ADCY9: variants seen among roughly 807,000 people sequenced by gnomAD.
ADCY9 encodes adenylate cyclase 9.
In ADCY9, 50 loss-of-function variants were observed where a neutral mutation model predicts 101.5. The observed-to-expected ratio is 0.49, with a 90% confidence interval of 0.39 to 0.62. The LOEUF (loss-of-function observed/expected upper bound fraction) is 0.62, where lower values mean the gene tolerates loss of function less well. Among genes scored for constraint, ADCY9 ranks in the 20% least tolerant of loss-of-function variants. The pLI is 0.00. For missense variants in ADCY9, 1,662 were observed against 1,800.4 expected (o/e 0.92, Z 1.39); for synonymous variants, 905 against 769.3 (o/e 1.18, Z -2.92).
chr16:3,985,765 C>T (rs977563269), intron 6 of ADCY9, among the ~76,000 whole-genome samples: 2 of 152,120 alleles, frequency 1.3e-5, no homozygotes, highest in Non-Finnish European at 2.9e-5. Flanking sequence ...CTCCTCCCTC[C>T]ACCTCCCTTG....
chr16:4,051,488 A>T (rs1360200134), intron 2 of ADCY9, among the ~76,000 whole-genome samples: 1 of 151,640 alleles, frequency 6.6e-6, no homozygotes, highest in African/African-American at 2.4e-5. Flanking sequence ...CACGCCACTG[A>T]ACTCCCACCT....
chr16:4,097,487 T>TATATATACATACACACACAC (rs76750792), intron 2 of ADCY9, among the ~76,000 whole-genome samples: 3 of 72,506 alleles, frequency 4.1e-5, no homozygotes, highest in Non-Finnish European at 5.3e-5. Flanking sequence ...TATATATATA[T>TATATATACATACACACACAC]ACACACACAC....
At chr16:3,970,881 C>CT (rs1428553392) in intron 10 of ADCY9, among the ~76,000 whole-genome samples, 16 of 152,138 alleles carry the variant, frequency 1.1e-4, no homozygotes, top group Non-Finnish European at 2.1e-4. Flanking sequence ...TGAAGATGGA[C>CT]TGGAGCATGG....
At chr16:3,993,702 C>T (rs2056265571) in intron 3 of ADCY9, among the ~76,000 whole-genome samples, 192 bp from the exon 4 acceptor site, 1 of 152,112 alleles carries the variant, frequency 6.6e-6, no homozygotes, top group South Asian at 2.1e-4. Flanking sequence ...GAAACCCGGG[C>T]ACGAACGCAA....
In ADCY9 at chr16:4,087,655, G is replaced by A. The variant is rs73492557; in HGVS notation, c.1693+26095C>T. ...TGTGGGCATAAACACTCAGTCCCTC[G>A]TGGGATGTGCTGGATCAAATCAGAT... On this transcript the variant is annotated intron_variant, in intron 2 of 10. Transcript: ENST00000294016. Among the ~76,000 whole-genome samples the A allele has an allele frequency of 4.0e-3, 601 of 151,628 alleles. 1 individual carries two copies. The highest frequency in any genetic ancestry group is 0.014 in the African/African-American group (563 of 41,362).
At chr16:4,090,329 T>A (rs76474646) in intron 2 of ADCY9, among the ~76,000 whole-genome samples, 4,492 of 152,222 alleles carry the variant, frequency 0.03, 214 homozygotes, top group African/African-American at 0.1. Context: ...ACTCAATGTG[T>A]TCCTCTTCTA....
intron 3 of ADCY9, among the ~76,000 whole-genome samples, chr16:3,999,279 A>C (rs2056313689): frequency 6.6e-6 from 1 of 152,212 alleles, no homozygotes; most frequent in South Asian, 2.1e-4. Flanking sequence ...ACTATGACTT[A>C]GGAATGTCTA....
chr16:4,097,923 C>G (rs754667076), intron 2 of ADCY9, among the ~76,000 whole-genome samples: 29 of 152,044 alleles, frequency 1.9e-4, no homozygotes, highest in African/African-American at 6.3e-4. Flanking sequence ...ATATTCCCAG[C>G]GCTAGGAACA....
At chr16:3,961,831 G>A (rs1002317680), downstream of ADCY9, among the ~76,000 whole-genome samples, 2 of 152,112 alleles carry the variant, frequency 1.3e-5, no homozygotes, top group African/African-American at 2.4e-5. Flanking sequence ...TTCGAGACCA[G>A]TCTGGCCAAC....
At chr16:4,026,612 T>G (rs1005924416) in intron 2 of ADCY9, among the ~76,000 whole-genome samples, 2 of 152,100 alleles carry the variant, frequency 1.3e-5, no homozygotes, top group African/African-American at 4.8e-5. Context: ...CCAGGATGAA[T>G]GGATAAACAC....
At chr16:4,021,792 TC>T (rs1337417576) in intron 2 of ADCY9, among the ~76,000 whole-genome samples, 8 of 152,134 alleles carry the variant, frequency 5.3e-5, no homozygotes, top group Admixed American at 5.2e-4. Context: ...AAGTGGCAGG[TC>T]CCAGCACCAG....
At chr16:4,091,815 G>A (rs1314242972) in intron 2 of ADCY9, among the ~76,000 whole-genome samples, 1 of 152,234 alleles carries the variant, frequency 6.6e-6, no homozygotes, top group Non-Finnish European at 1.5e-5. Flanking sequence ...CTTGGGAGCT[G>A]GGAAGTGGCT....
intron 2 of ADCY9, among the ~76,000 whole-genome samples, chr16:4,048,856 G>A (rs1421982518): frequency 1.3e-5 from 2 of 151,924 alleles, no homozygotes; most frequent in Admixed American, 1.3e-4. Context: ...ACCTAGGCAG[G>A]GCCCATGGTC....
chr16:4,096,220 T>C (rs2057003187), intron 2 of ADCY9, among the ~76,000 whole-genome samples: 1 of 152,148 alleles, frequency 6.6e-6, no homozygotes, highest in South Asian at 2.1e-4. Context: ...GAGTTCGTAG[T>C]TGAAACAAGA....
intron 4 of ADCY9, among the ~76,000 whole-genome samples, chr16:3,993,160 CT>C (rs1346141957): frequency 6.6e-6 from 1 of 152,162 alleles, no homozygotes; most frequent in Non-Finnish European, 1.5e-5. Flanking sequence ...ATTTTAAACC[CT>C]TATTGGCCTT....
intron 2 of ADCY9, among the ~76,000 whole-genome samples, chr16:4,080,232 G>A (rs1052033746): frequency 2.6e-5 from 4 of 151,968 alleles, no homozygotes; most frequent in African/African-American, 9.7e-5. Context: ...GAAGTTAACA[G>A]AGGTAATTTT....
rs1028736820 is a variant in ADCY9 at position 4,077,173 on chromosome 16, T to C, written c.1693+36577A>G. 9.2e-5 allele frequency among the ~76,000 whole-genome samples: 14 copies of C among 152,150 alleles called. 1 individual carries two copies. The highest frequency in any genetic ancestry group is 3.4e-4 in the African/African-American group (14 of 41,504). Reference sequence around the variant, plus strand: ...CTACAGGGTGTAAGATGAGGCCAACTGTAAGCCCTATACAGGGAAGTTACA... The same window carrying C: ...CTACAGGGTGTAAGATGAGGCCAACCGTAAGCCCTATACAGGGAAGTTACA... On this transcript the variant is annotated intron_variant, in intron 2 of 10. Transcript: ENST00000294016.
intron 2 of ADCY9, among the ~76,000 whole-genome samples, chr16:4,070,079 C>T (rs1432205418): frequency 6.6e-6 from 1 of 151,546 alleles, no homozygotes; most frequent in African/African-American, 2.4e-5. Context: ...GCCTCGGCAA[C>T]AGAGTGAGAC....
chr16:4,023,909 C>G (rs2056495693), intron 2 of ADCY9, among the ~76,000 whole-genome samples: 1 of 151,982 alleles, frequency 6.6e-6, no homozygotes, highest in South Asian at 2.1e-4. Context: ...GACTCTGTCT[C>G]AAAACGACAA....
Sources: allele counts gnomAD v4.1 joint callset (sites outside exome capture counted in the v4.1 genomes callset), GRCh38; gene constraint gnomAD v4.1.1; transcripts MANE v1.5; gene names NCBI Gene and HGNC (gene_info 2026-07-23, HGNC 2026-07-21).